NUB1: variants seen among roughly 807,000 people sequenced by gnomAD.
NUB1 encodes the protein negative regulator of ubiquitin like proteins 1.
A neutral mutation model predicts 77.1 loss-of-function variants in NUB1; 41 were observed. The observed-to-expected ratio is 0.53, with a 90% CI of 0.41 to 0.69. The LOEUF (loss-of-function observed/expected upper bound fraction) is 0.69, where lower values mean the gene tolerates loss of function less well. Among genes scored for constraint, NUB1 ranks in the 30% least tolerant of loss-of-function variants. The pLI, the probability that NUB1 is intolerant of heterozygous loss-of-function variation, is 0.00. For synonymous variants in NUB1, 257 were observed against 281.0 expected (o/e 0.91, Z 0.85); for missense variants, 643 against 743.8 (o/e 0.86, Z 1.58).
In NUB1 at chr7:151,360,163, A is replaced by G; in HGVS notation, c.716A>G (p.Tyr239Cys). 6.3e-7 allele frequency: 1 copy of G among 1,598,010 alleles called. No homozygotes were observed. The highest frequency in any genetic ancestry group is 8.6e-7 in the Non-Finnish European group (1 of 1,165,622). The change falls in exon 8 of 15, where the codon TAT (tyrosine) becomes TGT (cysteine). Residue 239 changes from tyrosine (Y) to cysteine (C), a missense_variant. Coordinates refer to ENST00000568733, the MANE Select transcript of NUB1 (RefSeq NM_001243351.2). ...TAGGCCCTTATGTTAGCTATGGGAT[A>G]TCATGAGAAGGGCAGAGCTTTCCTG... ...ERKALMLAMG[Y>C]HEKGRAFLKR...
chr7:151,358,706 G>A (rs1282290123), intron 7 of NUB1, among the ~76,000 whole-genome samples: 1 of 152,186 alleles, frequency 6.6e-6, no homozygotes, highest in African/African-American at 2.4e-5. Context: ...TTATCAGACT[G>A]AATTATGCGA....
chr7:151,359,649 T>C (rs931285140), intron 7 of NUB1, among the ~76,000 whole-genome samples: 4 of 151,688 alleles, frequency 2.6e-5, no homozygotes, highest in Admixed American at 2.6e-4. Flanking sequence ...TGGTGGCTCA[T>C]GCCTGTAGTC....
chr7:151,352,024 C>G (rs1796825276), intron 4 of NUB1: 1 of 452,988 alleles, frequency 2.2e-6, no homozygotes. Flanking sequence ...TTTGGAGCAC[C>G]TCCAGGGCTA....
chr7:151,368,855 C>T lies in NUB1; in HGVS notation c.1216C>T (p.His406Tyr), dbSNP rs1401679804. Residue 406 changes from histidine (H) to tyrosine (Y), a missense_variant, in exon 11 of 15, where the codon CAT becomes TAT. By Grantham distance (83) the His-to-Tyr change is moderately conservative. Coordinates refer to ENST00000568733, the MANE Select transcript of NUB1 (RefSeq NM_001243351.2). ...GAGGGCGTGTGATGGGAACGTGGAT[C>T]ATGCGGCCACTCATATTACCAACCG... The part of the protein sequence containing the change: ...GLRACDGNVD[H>Y]AATHITNRRE... The T allele has an allele frequency of 6.2e-7, 1 of 1,613,856 alleles. No individual in the cohort carries two copies. Among genetic ancestry groups the T allele is most frequent in the South Asian group, 1.1e-5 (1 of 91,020 alleles).
chr7:151,367,839 T>C (rs1490351727), intron 9 of NUB1, 22 bp from the exon 10 acceptor site: 1 of 1,463,888 alleles, frequency 6.8e-7, no homozygotes, highest in Non-Finnish European at 9.4e-7. Flanking sequence ...AATTTTATCC[T>C]TTTTTTCTTC....
intron 2 of NUB1, among the ~76,000 whole-genome samples, chr7:151,346,819 A>G (rs1159146653): frequency 1.3e-5 from 2 of 152,214 alleles, no homozygotes; most frequent in Admixed American, 6.5e-5. Flanking sequence ...GAGTTGTTCT[A>G]GCAAATCATG....
intron 14 of NUB1, 65 bp downstream of exon 14, chr7:151,376,876 C>T (rs1355673813): frequency 2.7e-6 from 4 of 1,502,964 alleles, no homozygotes; most frequent in Non-Finnish European, 3.6e-6. Flanking sequence ...ACAGATGTGG[C>T]CCTAAGCCAC....
chr7:151,355,362 T>C (rs1797017872), intron 5 of NUB1, among the ~76,000 whole-genome samples: 1 of 152,156 alleles, frequency 6.6e-6, no homozygotes, highest in African/African-American at 2.4e-5. Context: ...TTATGTGGCG[T>C]GATGGTATGC....
At position 151,374,143 on chromosome 7, in the gene NUB1, G is replaced by T; in HGVS notation, c.1295G>T (p.Arg432Leu). Reference protein sequence around the residue: ...RKEEKEKKRRRLENIRFLKGM... With the variant: ...RKEEKEKKRRLLENIRFLKGM... ...GAGGAAAAAGAGAAGAAAAGACGCC[G>T]CCTCGAGAACATCAGGTTTCTGAAA... The change falls in exon 12 of 15, where the codon CGC becomes CTC. Residue 432 changes from arginine (R) to leucine (L), a missense_variant. Physicochemically the swap from Arg to Leu is moderately radical, Grantham distance 102 (BLOSUM62 -2). Coordinates refer to ENST00000568733, the MANE Select transcript of NUB1 (RefSeq NM_001243351.2). 6.4e-7 allele frequency: 1 copy of T among 1,574,024 alleles called. No individual in the cohort carries two copies. The highest frequency in any genetic ancestry group is 8.6e-7 in the Non-Finnish European group (1 of 1,160,282).
rs1275186373 is a variant in NUB1, at chr7:151,352,803, A to G, written c.345-9A>G. The G allele has an allele frequency of 6.7e-7, 1 of 1,492,138 alleles. No individual in the cohort carries two copies. 92.4% of individuals were successfully genotyped at this position (1,492,138 alleles called of 1,614,324 possible). On this transcript the variant is annotated splice_polypyrimidine_tract_variant and intron_variant, in intron 4 of 14. Coordinates refer to ENST00000568733, the MANE Select transcript of NUB1 (RefSeq NM_001243351.2). ...TTTTCCTACAATTTTCACTGGTTTTATTTTACAGAATAGCTGAAACCTTTG... is the reference window on the plus strand; with the variant it reads ...TTTTCCTACAATTTTCACTGGTTTTGTTTTACAGAATAGCTGAAACCTTTG...
At chr7:151,345,159 T>C (rs1330299689) in intron 1 of NUB1, among the ~76,000 whole-genome samples, 189 bp from the exon 2 acceptor site, 2 of 151,740 alleles carry the variant, frequency 1.3e-5, no homozygotes, top group Non-Finnish European at 2.9e-5. Flanking sequence ...ATGTAATATA[T>C]ATAATTGAAC....
At chr7:151,344,070 A>G (rs113490239) in intron 1 of NUB1, among the ~76,000 whole-genome samples, 12,660 of 147,994 alleles carry the variant, frequency 0.086, 1,768 homozygotes, top group African/African-American at 0.29. Flanking sequence ...AGTCCCAGCT[A>G]CTGGGGAGGC....
chr7:151,375,775 G>T, intron 12 of NUB1, 73 bp from the exon 13 acceptor site: 1 of 997,204 alleles, frequency 1.0e-6, no homozygotes, highest in Non-Finnish European at 1.6e-6. Context: ...CTAGCACATG[G>T]CAGGGTGCAG....
chr7:151,351,323 T>A (rs570866526), intron 3 of NUB1, 101 bp from the exon 4 acceptor site: 6 of 874,028 alleles, frequency 6.9e-6, no homozygotes, highest in Non-Finnish European at 1.1e-5. Context: ...AACAGTGAAC[T>A]CAGTTTATAT....
At chr7:151,373,985 C>A in intron 11 of NUB1, 112 bp from the exon 12 acceptor site, 1 of 1,233,106 alleles carries the variant, frequency 8.1e-7, no homozygotes, top group Non-Finnish European at 1.1e-6. Context: ...CTGTGCTTTG[C>A]TTTGGTTTTT....
At chr7:151,375,306 G>A (rs972338429) in intron 12 of NUB1, among the ~76,000 whole-genome samples, 13 of 152,042 alleles carry the variant, frequency 8.6e-5, no homozygotes, top group African/African-American at 3.1e-4. Flanking sequence ...CTGAATATTC[G>A]AAGGGACTGA....
rs1019912292 is a variant in NUB1, at chr7:151,377,385, C to T, written c.*160C>T. ...ACAAGTCCAGGAGGGGTCCCAGGGCCTTCATGCGTGGTCTCGGGGAAGAAG... is the reference window on the plus strand; with the variant it reads ...ACAAGTCCAGGAGGGGTCCCAGGGCTTTCATGCGTGGTCTCGGGGAAGAAG... On this transcript the variant is annotated 3_prime_UTR_variant, in exon 15 of 15. Transcript: ENST00000568733. 2.0e-6 allele frequency: 1 copy of T among 511,824 alleles called. No homozygotes were observed. Among genetic ancestry groups the T allele is most frequent in the Non-Finnish European group, 3.4e-6 (1 of 297,744 alleles). The allele number at this position is 511,824 out of a possible 1,614,324, so 31.7% of individuals were successfully genotyped here.
chr7:151,352,152 G>A (rs1796836072), intron 4 of NUB1: 1 of 456,574 alleles, frequency 2.2e-6, no homozygotes, highest in East Asian at 6.9e-5. Context: ...AGACCCTGTG[G>A]ATCAGCCCCC....
intron 3 of NUB1, among the ~76,000 whole-genome samples, chr7:151,350,097 A>C (rs773004384): frequency 7.2e-5 from 11 of 152,158 alleles, no homozygotes; most frequent in Admixed American, 3.9e-4. Context: ...TTACGTCATT[A>C]TTTCTTCTAT....
Sources: gnomAD v4.1 joint callset for allele counts (sites outside exome capture counted in the v4.1 genomes callset) on GRCh38, gnomAD v4.1.1 for gene constraint, MANE v1.5 for transcripts, NCBI Gene and HGNC (gene_info 2026-07-23, HGNC 2026-07-21) for gene names.